ABCA10: variants seen among roughly 807,000 people sequenced by gnomAD.
The protein encoded by ABCA10 is ATP-binding cassette sub-family A member 10.
A neutral mutation model predicts 187.5 loss-of-function variants in ABCA10; 169 were observed. That is an observed-to-expected ratio of 0.90 (90% CI 0.80 to 1.02). The LOEUF is 1.02. Ranked by LOEUF, ABCA10 falls within the 50% of genes least tolerant of loss-of-function variation. ABCA10 has a pLI of 0.00. For missense variants in ABCA10, 1,727 were observed against 1,812.4 expected (o/e 0.95, Z 0.86); for synonymous variants, 574 against 601.8 (o/e 0.95, Z 0.68).
chr17:69,209,148 GT>G (rs1437154035), intron 9 of ABCA10, among the ~76,000 whole-genome samples: 2 of 152,202 alleles, frequency 1.3e-5, no homozygotes, highest in Non-Finnish European at 2.9e-5. Flanking sequence ...GGGATTTCAA[GT>G]TCCATTTTGC....
chr17:69,184,568 G>T (rs1349164385), intron 20 of ABCA10, among the ~76,000 whole-genome samples: 6 of 152,090 alleles, frequency 3.9e-5, no homozygotes, highest in African/African-American at 1.2e-4. Flanking sequence ...TGTTGGCATG[G>T]ATGTGATGAA....
In ABCA10 at chr17:69,221,740, A is replaced by G; in HGVS notation, c.303+52T>C. 6.1e-6 allele frequency: 9 copies of G among 1,483,756 alleles called. 1 individual carries two copies. In the South Asian group the frequency reaches 9.9e-5, roughly 16 times the overall value. 91.9% of individuals were successfully genotyped at this position (1,483,756 alleles called of 1,614,324 possible). A position where few individuals can be genotyped will look rare whatever the true frequency, so the allele number is the denominator to read the frequency against. ...AGGTAGGGGATGAGGCAGATATTTA[A>G]AAAGAGGGAAGAATACAGATTTAAA... On this transcript the variant is annotated intron_variant, in intron 5 of 38. Coordinates refer to ENST00000690296, the MANE Select transcript of ABCA10 (RefSeq NM_001377321.1).
chr17:69,225,261 C>A, intron 3 of ABCA10, 64 bp downstream of exon 3: 1 of 1,569,740 alleles, frequency 6.4e-7, no homozygotes, highest in Non-Finnish European at 8.8e-7. Flanking sequence ...GTAAATTCAA[C>A]CTGCAAAAAG....
At chr17:69,149,188 G>A in intron 37 of ABCA10, 100 bp from the exon 38 acceptor site, 1 of 1,293,480 alleles carries the variant, frequency 7.7e-7, no homozygotes, top group Non-Finnish European at 1.1e-6. Flanking sequence ...TTTAGATACT[G>A]TAAGATATAG....
At chr17:69,211,314 GATATATATATATATAT>G (rs58580286) in intron 9 of ABCA10, among the ~76,000 whole-genome samples, 88 of 30,348 alleles carry the variant, frequency 2.9e-3, no homozygotes, top group East Asian at 0.015. Flanking sequence ...TCATATATAT[GATATATATATATATAT>G]ATATATATAT....
Position 69,165,134 on chromosome 17 carries a change from TTAAGA to T in ABCA10, c.3163-56_3163-52del, listed in dbSNP as rs755327569. Reference sequence around the variant, plus strand: ...AATTTTCTCAGTTATATTTGATATCTTAAGATATTTCCTGTGAATAACCTGTTTTC... The same window carrying T: ...AATTTTCTCAGTTATATTTGATATCTTATTTCCTGTGAATAACCTGTTTTC... On this transcript the variant is annotated intron_variant, in intron 25 of 38. Transcript: ENST00000690296. 7.2e-6 allele frequency: 10 copies of T among 1,396,072 alleles called. No individual in the cohort carries two copies. In the African/African-American group the frequency reaches 7.2e-5, roughly 10 times the overall value. 86.5% of individuals were successfully genotyped at this position (1,396,072 alleles called of 1,614,324 possible).
chr17:69,209,215 T>C (rs942804728), intron 9 of ABCA10, among the ~76,000 whole-genome samples: 4 of 152,230 alleles, frequency 2.6e-5, no homozygotes, highest in Non-Finnish European at 5.9e-5. Context: ...TGAGAGTGCT[T>C]TCACTGTGAT....
At chr17:69,201,403 A>G (rs1598112072) in intron 10 of ABCA10, 97 bp downstream of exon 10, 1 of 1,125,354 alleles carries the variant, frequency 8.9e-7, no homozygotes, top group East Asian at 2.7e-5. Context: ...AATAATAAAA[A>G]GAAAAGAACA....
intron 26 of ABCA10, among the ~76,000 whole-genome samples, 186 bp downstream of exon 26, chr17:69,164,778 A>G (rs1007563417): frequency 1.3e-5 from 2 of 152,172 alleles, no homozygotes; most frequent in Admixed American, 1.3e-4. Flanking sequence ...TCCTGCTAGT[A>G]TGAATAGTGA....
At chr17:69,236,320 A>C (rs2074870851) in intron 1 of ABCA10, among the ~76,000 whole-genome samples, 1 of 152,182 alleles carries the variant, frequency 6.6e-6, no homozygotes, top group Non-Finnish European at 1.5e-5. Context: ...TTGAGAAATG[A>C]CTTAAGAATA....
intron 1 of ABCA10, among the ~76,000 whole-genome samples, chr17:69,235,613 C>T (rs1034153833): frequency 2.6e-4 from 40 of 151,998 alleles, no homozygotes; most frequent in Admixed American, 5.9e-4. Flanking sequence ...CTTTCTGGGA[C>T]CAGAAAGGTA....
intron 9 of ABCA10, among the ~76,000 whole-genome samples, chr17:69,212,866 G>A (rs1371873371): frequency 6.6e-6 from 1 of 152,174 alleles, no homozygotes; most frequent in Non-Finnish European, 1.5e-5. Context: ...GTCTCTTGAA[G>A]ACAGCAGATA....
intron 32 of ABCA10, 122 bp from the exon 33 acceptor site, chr17:69,153,668 A>C: frequency 6.9e-7 from 1 of 1,452,130 alleles, no homozygotes; most frequent in Non-Finnish European, 9.3e-7. Flanking sequence ...TAACGTTTTC[A>C]TAAATGCTAA....
intron 8 of ABCA10, 69 bp downstream of exon 8, chr17:69,215,745 CA>C: frequency 7.8e-7 from 1 of 1,286,102 alleles, no homozygotes; most frequent in Non-Finnish European, 1.0e-6. Flanking sequence ...TTTCATGAGG[CA>C]CCAAATTCTT....
chr17:69,193,800 A>C lies in ABCA10; in HGVS notation c.1521+14T>G. The C allele has an allele frequency of 6.2e-7, 1 of 1,607,864 alleles. No individual in the cohort carries two copies. Among genetic ancestry groups the C allele is most frequent in the Non-Finnish European group, 8.5e-7 (1 of 1,178,456 alleles). On this transcript the variant is annotated intron_variant, in intron 13 of 38. Transcript: ENST00000690296. ...ATTATTTCCAAAGCCATCAATCTTAATGTGTTCCTGTACCTCTTGTTCCAC... is the reference window on the plus strand; with the variant it reads ...ATTATTTCCAAAGCCATCAATCTTACTGTGTTCCTGTACCTCTTGTTCCAC...
chr17:69,243,894 T>C (rs1445364150), intron 1 of ABCA10, among the ~76,000 whole-genome samples: 1 of 152,156 alleles, frequency 6.6e-6, no homozygotes, highest in Non-Finnish European at 1.5e-5. Flanking sequence ...TGAGACCCTA[T>C]CTCAAAAACG....
intron 9 of ABCA10, among the ~76,000 whole-genome samples, chr17:69,204,455 A>T (rs921870798): frequency 3.3e-5 from 5 of 152,222 alleles, no homozygotes; most frequent in Non-Finnish European, 7.3e-5. Flanking sequence ...TCTTCTCCAC[A>T]AGATAAACTT....
At chr17:69,152,239 T>C (rs771628134) in intron 35 of ABCA10, 56 bp from the exon 36 acceptor site, 15 of 1,582,298 alleles carry the variant, frequency 9.5e-6, no homozygotes, top group Non-Finnish European at 1.2e-5. Flanking sequence ...TCCTCGGTTC[T>C]CACTGTAGAG....
Position 69,153,364 on chromosome 17 carries a change from T to A in ABCA10, c.4077A>T (p.Ser1359=). ...TGAACGGCTCATCTAGAAGCACCAC[T>A]GATGGGTTCCCCAGGATGCTCAGCA... ...CFVLSILGNP[S]VVLLDEPFTG... Residue 1359 remains serine, a synonymous_variant, in exon 34 of 39, where the codon TCA becomes TCT. Transcript: ENST00000690296. The A allele has an allele frequency of 6.2e-7, 1 of 1,613,800 alleles. No individual in the cohort carries two copies. Among genetic ancestry groups the A allele is most frequent in the Non-Finnish European group, 8.5e-7 (1 of 1,179,814 alleles).
Sources: gnomAD v4.1 joint callset for allele counts (sites outside exome capture counted in the v4.1 genomes callset) on GRCh38, gnomAD v4.1.1 for gene constraint, MANE v1.5 for transcripts, NCBI Gene and HGNC (gene_info 2026-07-23, HGNC 2026-07-21) for gene names.